The following MCUB variants were observed in gnomAD, a reference collection of about 807,000 sequenced individuals.
The protein encoded by MCUB is mitochondrial calcium uniporter dominant negative subunit beta.
In MCUB, 46 loss-of-function variants were observed where a neutral mutation model predicts 41.4. That is an observed-to-expected ratio of 1.11 (90% confidence interval 0.88 to 1.42). The LOEUF is 1.42. Ranked by LOEUF, MCUB falls within the 40% of genes most tolerant of loss-of-function variation. The pLI is 0.00. For synonymous variants in MCUB, 148 were observed against 148.2 expected (o/e 1.00, Z 0.01); for missense variants, 403 against 404.9 (o/e 1.00, Z 0.04).
At position 109,624,376 on chromosome 4, in the gene MCUB, T is replaced by C. The variant is rs144413241; in HGVS notation, c.100-34635T>C. On this transcript the variant is annotated intron_variant, in intron 1 of 7. Coordinates refer to ENST00000394650, the MANE Select transcript of MCUB (RefSeq NM_017918.5). ...ATGCTCCTAGAGTTCTGGAAAAGTT[T>C]TAACATTCTAAATGCTATCCAGAAT... Among the ~76,000 whole-genome samples, 1,121 of 152,318 alleles carry C rather than the reference T, an allele frequency of 7.4e-3. 25 individuals carry two copies. Among genetic ancestry groups the C allele is most frequent in the East Asian group, 0.064 (334 of 5,184 alleles).
chr4:109,589,809 C>T (rs1361812655), intron 1 of MCUB, among the ~76,000 whole-genome samples: 1 of 152,190 alleles, frequency 6.6e-6, no homozygotes, highest in Non-Finnish European at 1.5e-5. Context: ...AGTGGGTGCT[C>T]CGTGCATACT....
At chr4:109,673,739 G>A (rs1729510245) in intron 4 of MCUB, 5 of 518,124 alleles carry the variant, frequency 9.7e-6, no homozygotes, top group Non-Finnish European at 1.7e-5. Context: ...TCACAAGGAA[G>A]ACACATAAAT....
chr4:109,616,015 A>T (rs771054274), intron 1 of MCUB, among the ~76,000 whole-genome samples: 1 of 152,206 alleles, frequency 6.6e-6, no homozygotes, highest in Non-Finnish European at 1.5e-5. Context: ...GTGAGTAGTA[A>T]CTTATGAAAC....
intron 1 of MCUB, among the ~76,000 whole-genome samples, chr4:109,640,694 C>T (rs1161926144): frequency 6.6e-6 from 1 of 152,238 alleles, no homozygotes; most frequent in Non-Finnish European, 1.5e-5. Context: ...CTGGCTTAGG[C>T]TTTGGATTAA....
At chr4:109,665,832 G>A (rs1304628832) in intron 4 of MCUB, among the ~76,000 whole-genome samples, 1 of 151,950 alleles carries the variant, frequency 6.6e-6, no homozygotes, top group African/African-American at 2.4e-5. Flanking sequence ...GGGGCGCATG[G>A]TAGTAGGGCC....
intron 1 of MCUB, among the ~76,000 whole-genome samples, chr4:109,591,070 A>G (rs1727425684): frequency 6.6e-6 from 1 of 152,168 alleles, no homozygotes; most frequent in African/African-American, 2.4e-5. Context: ...TTTCAGTTTT[A>G]TCTTAAAGAA....
At chr4:109,647,933 C>T (rs1728873674) in intron 1 of MCUB, among the ~76,000 whole-genome samples, 1 of 152,128 alleles carries the variant, frequency 6.6e-6, no homozygotes, top group Non-Finnish European at 1.5e-5. Flanking sequence ...CAGCTTCACA[C>T]TGTTGAAAAC....
intron 1 of MCUB, among the ~76,000 whole-genome samples, chr4:109,560,712 G>C (rs970056329): frequency 6.6e-6 from 1 of 152,160 alleles, no homozygotes. Flanking sequence ...AGGGTGCGGG[G>C]ACCACCAGAC....
At chr4:109,570,748 GGATGA>G (rs1194068913) in intron 1 of MCUB, among the ~76,000 whole-genome samples, 1 of 152,204 alleles carries the variant, frequency 6.6e-6, no homozygotes. Context: ...ATGTATAGTG[GGATGA>G]GATAAGTACG....
chr4:109,566,614 A>G (rs1726784823), intron 1 of MCUB, among the ~76,000 whole-genome samples: 1 of 152,348 alleles, frequency 6.6e-6, no homozygotes, highest in East Asian at 1.9e-4. Flanking sequence ...TATTTTGTTC[A>G]ATGGTGTATT....
intron 1 of MCUB, among the ~76,000 whole-genome samples, chr4:109,645,128 A>G (rs1728806082): frequency 6.6e-6 from 1 of 152,124 alleles, no homozygotes; most frequent in South Asian, 2.1e-4. Context: ...TTATTCCTCT[A>G]TAGACCTGAT....
intron 1 of MCUB, among the ~76,000 whole-genome samples, chr4:109,641,562 G>A (rs1487526086): frequency 6.6e-6 from 1 of 152,186 alleles, no homozygotes; most frequent in African/African-American, 2.4e-5. Flanking sequence ...ACTAAGATGT[G>A]ACAGAGACAA....
At chr4:109,651,123 T>C (rs968589603) in intron 1 of MCUB, among the ~76,000 whole-genome samples, 1 of 152,228 alleles carries the variant, frequency 6.6e-6, no homozygotes, top group Admixed American at 6.5e-5. Flanking sequence ...ACTGTGTAAA[T>C]ATCTCATTCC....
At chr4:109,610,920 C>T (rs760146255) in intron 1 of MCUB, among the ~76,000 whole-genome samples, 24 of 152,110 alleles carry the variant, frequency 1.6e-4, no homozygotes, top group Admixed American at 5.9e-4. Flanking sequence ...TATCTTCTCC[C>T]GTACCCAGAT....
chr4:109,678,045 T>G (rs1437044960), intron 4 of MCUB, among the ~76,000 whole-genome samples: 5 of 152,028 alleles, frequency 3.3e-5, no homozygotes, highest in Admixed American at 3.3e-4. Flanking sequence ...CCTTCAGGCA[T>G]CTGTTTAACA....
intron 1 of MCUB, among the ~76,000 whole-genome samples, chr4:109,582,786 T>C (rs1228807757): frequency 3.3e-5 from 5 of 152,232 alleles, no homozygotes; most frequent in Non-Finnish European, 5.9e-5. Flanking sequence ...TTTCTACATA[T>C]AGCTAGCCAG....
At chr4:109,638,899 A>C (rs1728654185) in intron 1 of MCUB, among the ~76,000 whole-genome samples, 1 of 152,218 alleles carries the variant, frequency 6.6e-6, no homozygotes, top group Admixed American at 6.5e-5. Context: ...AGATTGCAGC[A>C]ATTCAGTCCC....
intron 1 of MCUB, among the ~76,000 whole-genome samples, chr4:109,599,613 A>G (rs1377491878): frequency 2.0e-5 from 3 of 152,114 alleles, no homozygotes; most frequent in Non-Finnish European, 4.4e-5. Context: ...GTCTGGCCCT[A>G]GAGAAAACTA....
intron 4 of MCUB, among the ~76,000 whole-genome samples, chr4:109,672,774 C>T (rs768753700): frequency 2.6e-5 from 4 of 152,144 alleles, no homozygotes; most frequent in Non-Finnish European, 5.9e-5. Context: ...CTCCAGCTAA[C>T]CATTATCTGG....
Sources: gnomAD v4.1 joint callset for allele counts (sites outside exome capture counted in the v4.1 genomes callset) on GRCh38, gnomAD v4.1.1 for gene constraint, MANE v1.5 for transcripts, NCBI Gene and HGNC (gene_info 2026-07-23, HGNC 2026-07-21) for gene names.